Variants in CTPS1 observed in about 807,000 individuals in gnomAD.
CTPS1 encodes CTP synthetase 1.
CTPS1 carries 25 observed loss-of-function variants against 80.5 expected under a neutral mutation model. That is an observed-to-expected ratio of 0.31 (90% CI 0.23 to 0.43). The LOEUF (loss-of-function observed/expected upper bound fraction) is 0.43, where lower values mean the gene tolerates loss of function less well. CTPS1 is among the 20% of genes least tolerant of loss of function. CTPS1 has a pLI of 1.00. For missense variants in CTPS1, 442 were observed against 725.7 expected (o/e 0.61, Z 4.49); for synonymous variants, 267 against 252.5 (o/e 1.06, Z -0.54).
chr1:41,011,506 T>C (rs1412078001), intron 18 of CTPS1, among the ~76,000 whole-genome samples, 152 bp from the exon 19 acceptor site: 7 of 152,238 alleles, frequency 4.6e-5, no homozygotes, highest in Non-Finnish European at 1.0e-4. Flanking sequence ...GTAGGAATTA[T>C]AAATTTAGCG....
intron 14 of CTPS1, among the ~76,000 whole-genome samples, chr1:41,008,009 C>T (rs1352963391): frequency 1.3e-5 from 2 of 152,202 alleles, no homozygotes; most frequent in East Asian, 1.9e-4. Context: ...ACACAGATTT[C>T]CTTCTTGTCT....
intron 5 of CTPS1, among the ~76,000 whole-genome samples, chr1:40,989,392 C>T (rs1489212383): frequency 3.3e-5 from 5 of 152,196 alleles, no homozygotes; most frequent in Non-Finnish European, 2.9e-5. Context: ...CAGTCCTTGC[C>T]TTCTTCCACC....
intron 9 of CTPS1, among the ~76,000 whole-genome samples, chr1:40,999,291 GCTGGTGAGGGC>G (rs993435973): frequency 2.0e-5 from 3 of 152,160 alleles, no homozygotes; most frequent in African/African-American, 7.2e-5. Context: ...CTGGAGACAG[GCTGGTGAGGGC>G]CTGCCCACAA....
Position 40,991,755 on chromosome 1 carries a change from C to G in CTPS1, c.640-10C>G. The G allele has an allele frequency of 6.2e-7, 1 of 1,606,948 alleles. No individual in the cohort carries two copies. Among genetic ancestry groups the G allele is most frequent in the Non-Finnish European group, 8.5e-7 (1 of 1,173,466 alleles). ...CCTTCTGTCTAAGCCATCTTGTTCTCTACTGCTAGGTTGTATGCAGGTGCT... is the reference window on the plus strand; with the variant it reads ...CCTTCTGTCTAAGCCATCTTGTTCTGTACTGCTAGGTTGTATGCAGGTGCT... On this transcript the variant is annotated splice_polypyrimidine_tract_variant and intron_variant, in intron 6 of 18. Coordinates refer to ENST00000650070, the MANE Select transcript of CTPS1 (RefSeq NM_001905.4).
rs1344446923 is a variant in CTPS1 at position 40,983,455 on chromosome 1, T to C, written c.165T>C (p.His55=). Residue 55 remains histidine, a splice_region_variant and synonymous_variant, in exon 2 of 19, where the codon CAT becomes CAC. Transcript: ENST00000650070. The stretch of plus-strand genomic sequence containing the variant: ...CAGGAACATTCTCTCCTTATGAGCA[T>C]GGTAAGCACAGTGGATTTCTTCATA... ...IDAGTFSPYE[H]GEVFVLDDGG... is the part of the protein sequence containing the mutation. 4 of 1,603,280 alleles carry C rather than the reference T, an allele frequency of 2.5e-6. No homozygotes were observed. The highest frequency in any genetic ancestry group is 3.4e-6 in the Non-Finnish European group (4 of 1,172,794).
rs1434620273 is a variant in CTPS1, at chr1:40,984,846, T to A, written c.192T>A (p.Gly64=). The A allele has an allele frequency of 1.9e-6, 3 of 1,579,112 alleles. No individual in the cohort carries two copies. Among genetic ancestry groups the A allele is most frequent in the Non-Finnish European group, 2.6e-6 (3 of 1,157,692 alleles). ...EHGEVFVLDD[G]GEVDLDLGNY... ...GTGAGGTTTTTGTGCTGGATGATGGTGGGGAAGTAGACCTTGACCTGGGTA... is the reference window on the plus strand; with the variant it reads ...GTGAGGTTTTTGTGCTGGATGATGGAGGGGAAGTAGACCTTGACCTGGGTA... Residue 64 remains glycine (G), a synonymous_variant, in exon 3 of 19, where the codon GGT becomes GGA. Coordinates refer to ENST00000650070, the MANE Select transcript of CTPS1 (RefSeq NM_001905.4).
At chr1:40,988,265 G>A (rs987224229) in intron 4 of CTPS1, among the ~76,000 whole-genome samples, 16 of 150,136 alleles carry the variant, frequency 1.1e-4, no homozygotes. Flanking sequence ...AAGGAGATAA[G>A]ATTTAGGTTT....
rs146830739 is a variant in CTPS1 at position 41,001,530 on chromosome 1, G to A, written c.1094+413G>A. 35 of 187,386 alleles carry A rather than the reference G, an allele frequency of 1.9e-4. 1 individual carries two copies. The East Asian group carries it at 5.3e-3, about 28-fold the overall frequency. The allele number at this position is 187,386 out of a possible 1,614,324, so 11.6% of individuals were successfully genotyped here. A position where few individuals can be genotyped will look rare whatever the true frequency, so the allele number is the denominator to read the frequency against. On this transcript the variant is annotated intron_variant, in intron 10 of 18. Coordinates refer to ENST00000650070, the MANE Select transcript of CTPS1 (RefSeq NM_001905.4). ...TTCTTCTGAGTGTCTTGGTCAGTAC[G>A]GCACACAGAGCTGATGAAGAAAGGC... is the stretch of plus-strand genomic sequence containing the variant.
Position 40,987,420 on chromosome 1 carries a change from C to T in CTPS1, c.386C>T (p.Ala129Val), listed in dbSNP as rs143058120. 81 of 1,613,870 alleles carry T rather than the reference C, an allele frequency of 5.0e-5. No homozygotes were observed. The highest frequency in any genetic ancestry group is 2.2e-4 in the South Asian group (20 of 91,070). Reference protein sequence around the residue: ...DAIQEWVMRQALIPVDEDGLE... With the variant: ...DAIQEWVMRQVLIPVDEDGLE... ...ATCCAGGAGTGGGTGATGAGACAGG[C>T]GTTAATACCTGTAGATGAAGATGGC... Residue 129 changes from alanine (A) to valine (V), a missense_variant, in exon 4 of 19, where the codon GCG (alanine) becomes GTG (valine). Transcript: ENST00000650070.
intron 11 of CTPS1, among the ~76,000 whole-genome samples, 192 bp downstream of exon 11, chr1:41,002,446 A>G (rs1170793013): frequency 2.0e-5 from 3 of 152,188 alleles, no homozygotes; most frequent in African/African-American, 7.2e-5. Flanking sequence ...TATGCTTATG[A>G]GCTACATGTA....
chr1:41,007,300 G>A lies in CTPS1; in HGVS notation c.1297-149G>A. On this transcript the variant is annotated intron_variant, in intron 13 of 18. Transcript: ENST00000650070. The surrounding 1 kb of genome is among the most constrained non-coding windows in gnomAD (Gnocchi z 4.4). ...CGAGGTTACAAATGCCAACTGGGAG[G>A]CATTTTCTTCTGTGACAAAATGTCT... is the stretch of plus-strand genomic sequence containing the variant. 1.5e-6 allele frequency: 1 copy of A among 668,812 alleles called. No homozygotes were observed. The highest frequency in any genetic ancestry group is 2.6e-6 in the Non-Finnish European group (1 of 390,488). The allele number at this position is 668,812 out of a possible 1,614,324, so 41.4% of individuals were successfully genotyped here. A position where few individuals can be genotyped will look rare whatever the true frequency, so the allele number is the denominator to read the frequency against.
chr1:40,986,839 A>G (rs1642467166), intron 3 of CTPS1, among the ~76,000 whole-genome samples: 1 of 152,170 alleles, frequency 6.6e-6, no homozygotes, highest in Admixed American at 6.5e-5. Context: ...AATTGGCCCA[A>G]AGATCCACAG....
intron 5 of CTPS1, among the ~76,000 whole-genome samples, chr1:40,990,539 G>A (rs572553490): frequency 8.5e-5 from 13 of 152,152 alleles, no homozygotes; most frequent in African/African-American, 3.1e-4. Context: ...TATCTCAGCA[G>A]TTTGGGAGGC....
At chr1:40,992,985 C>T (rs1370689303) in intron 7 of CTPS1, among the ~76,000 whole-genome samples, 5 of 151,288 alleles carry the variant, frequency 3.3e-5, no homozygotes, top group Admixed American at 6.6e-5. Context: ...TGAGGGCGCC[C>T]GGCCTTAAAA....
At chr1:40,991,136 CTT>C (rs111518708) in intron 5 of CTPS1, 27 bp from the exon 6 acceptor site, 785 of 1,198,288 alleles carry the variant, frequency 6.6e-4, no homozygotes, top group Admixed American at 9.4e-4. Flanking sequence ...GGGAAACTAA[CTT>C]TTTTTTTTTT....
At chr1:41,005,970 G>A in intron 12 of CTPS1, 81 bp from the exon 13 acceptor site, 1 of 1,131,882 alleles carries the variant, frequency 8.8e-7, no homozygotes, top group Non-Finnish European at 1.3e-6. Flanking sequence ...GAGGAGGGAA[G>A]TTGTGTTTAG....
chr1:40,991,818 A>G lies in CTPS1; in HGVS notation c.693A>G (p.Ser231=). 1 of 1,614,068 alleles carries G rather than the reference A, an allele frequency of 6.2e-7. No individual in the cohort carries two copies. The highest frequency in any genetic ancestry group is 8.5e-7 in the Non-Finnish European group (1 of 1,179,916). ...PLDTSVKEKI[S]MFCHVEPEQV... ...ACACATCAGTGAAGGAGAAAATATC[A>G]ATGTTCTGCCATGTTGAGCCTGAAC... Residue 231 remains serine, a synonymous_variant, in exon 7 of 19, where the codon TCA becomes TCG. Coordinates refer to ENST00000650070, the MANE Select transcript of CTPS1 (RefSeq NM_001905.4).
intron 1 of CTPS1, chr1:40,981,795 A>G: frequency 3.9e-6 from 1 of 254,020 alleles, no homozygotes; most frequent in Non-Finnish European, 8.0e-6. Context: ...AGAGGATGCA[A>G]AGAGCCTTTG....
At chr1:41,010,009 C>A (rs1305634538) in intron 17 of CTPS1, 152 bp from the exon 18 acceptor site, 7 of 586,158 alleles carry the variant, frequency 1.2e-5, no homozygotes, top group African/African-American at 3.7e-5. Context: ...AATCTTTCTG[C>A]AGTTTCATGT....
Sources: gnomAD v4.1 joint callset for allele counts (sites outside exome capture counted in the v4.1 genomes callset) on GRCh38, gnomAD v4.1.1 for gene constraint, Gnocchi (gnomAD v3.1) non-coding constraint, MANE v1.5 for transcripts, NCBI Gene and HGNC (gene_info 2026-07-23, HGNC 2026-07-21) for gene names.